Variants in DAAM1 observed in about 807,000 individuals in gnomAD.
DAAM1 encodes the protein dishevelled associated activator of morphogenesis 1, also known as disheveled-associated activator of morphogenesis 1.
DAAM1 carries 52 observed loss-of-function variants against 130.0 expected under a neutral mutation model. The ratio of observed to expected loss-of-function variants is 0.40; its 90% CI spans 0.32 to 0.50. DAAM1 has a LOEUF of 0.50. Among genes scored for constraint, DAAM1 ranks in the 20% least tolerant of loss-of-function variants. DAAM1 has a pLI of 0.61. For synonymous variants in DAAM1, 452 were observed against 444.5 expected, an observed-to-expected ratio of 1.02 and a Z score of -0.21; for missense variants, 1,134 against 1,303.8, an observed-to-expected ratio of 0.87 and a Z score of 2.01.
At chr14:59,350,637 T>G (rs1886255622) in intron 17 of DAAM1, among the ~76,000 whole-genome samples, 1 of 152,078 alleles carries the variant, frequency 6.6e-6, no homozygotes, top group Non-Finnish European at 1.5e-5. Flanking sequence ...CAGGGGCACT[T>G]GCAACTTCCC....
chr14:59,363,686 C>T lies in DAAM1; in HGVS notation c.2730C>T (p.Pro910=), dbSNP rs534683673. ...LEYQKSQPPQ[P]GDKFVSVVSQ... is the part of the protein sequence containing the mutation. ...ATCAGAAGTCTCAGCCCCCACAGCC[C>T]GGAGATAAGTTTGTGTCTGTTGTCA... The change falls in exon 23 of 25, where the codon CCC becomes CCT. Residue 910 remains proline (P), a synonymous_variant. Transcript: ENST00000360909. The T allele has an allele frequency of 3.0e-5, 48 of 1,614,114 alleles. No individual in the cohort carries two copies. The highest frequency in any genetic ancestry group is 4.0e-5 in the African/African-American group (3 of 75,048).
intron 10 of DAAM1, among the ~76,000 whole-genome samples, 192 bp from the exon 11 acceptor site, chr14:59,326,318 G>T (rs1310703612): frequency 6.6e-6 from 1 of 152,150 alleles, no homozygotes; most frequent in Admixed American, 6.5e-5. Context: ...TGTTCAGAAA[G>T]GGGTAGAGGG....
intron 22 of DAAM1, among the ~76,000 whole-genome samples, chr14:59,361,628 G>C (rs1886706268): frequency 6.6e-6 from 1 of 152,226 alleles, no homozygotes; most frequent in South Asian, 2.1e-4. Context: ...CAGTCAGGCT[G>C]GCAGACTGGA....
At chr14:59,205,510 C>T (rs1220471961) in intron 1 of DAAM1, among the ~76,000 whole-genome samples, 1 of 152,160 alleles carries the variant, frequency 6.6e-6, no homozygotes, top group Admixed American at 6.5e-5. Context: ...AAAAAAAATT[C>T]TTAAAGGAGA....
chr14:59,328,190 A>G (rs1885282187), intron 12 of DAAM1, among the ~76,000 whole-genome samples: 1 of 152,252 alleles, frequency 6.6e-6, no homozygotes, highest in Non-Finnish European at 1.5e-5. Context: ...AAGCAGGGCC[A>G]TAACTGATAT....
Position 59,324,213 on chromosome 14 carries a change from C to T in DAAM1, c.860C>T (p.Ala287Val). The change falls in exon 7 of 25, where the codon GCA (alanine) becomes GTA (valine). Residue 287 changes from alanine to valine, a missense_variant. Coordinates refer to ENST00000360909, the MANE Select transcript of DAAM1 (RefSeq NM_001270520.2). ...ACTGCCATCATGTCCTTCATTAATG[C>T]AGTGCTCAGCCAAGGTGCAGGAGTG... ...LKTAIMSFINAVLSQGAGVES... is the reference protein window; with the variant it reads ...LKTAIMSFINVVLSQGAGVES... 1 of 1,462,400 alleles carries T rather than the reference C, an allele frequency of 6.8e-7. No homozygotes were observed. Among genetic ancestry groups the T allele is most frequent in the Admixed American group, 2.2e-5 (1 of 46,402 alleles). The allele number at this position is 1,462,400 out of a possible 1,614,324, so 90.6% of individuals were successfully genotyped here. A position where few individuals can be genotyped will look rare whatever the true frequency, so the allele number is the denominator to read the frequency against.
At chr14:59,258,008 G>T (rs1043905814) in intron 1 of DAAM1, among the ~76,000 whole-genome samples, 6 of 152,108 alleles carry the variant, frequency 3.9e-5, no homozygotes, top group Admixed American at 3.9e-4. Flanking sequence ...TGCTCTTCAC[G>T]TTCTTCCTTC....
At chr14:59,356,476 G>C (rs1886484083) in intron 20 of DAAM1, among the ~76,000 whole-genome samples, 1 of 152,198 alleles carries the variant, frequency 6.6e-6, no homozygotes, top group Non-Finnish European at 1.5e-5. Context: ...GCCAAATACT[G>C]TTGTCACCTG....
intron 1 of DAAM1, among the ~76,000 whole-genome samples, chr14:59,221,592 G>A (rs1888773610): frequency 6.6e-6 from 1 of 152,156 alleles, no homozygotes; most frequent in Non-Finnish European, 1.5e-5. Context: ...GGCCTTAGTT[G>A]CTGGGCATGG....
At chr14:59,357,888 T>C (rs1036750565) in intron 20 of DAAM1, among the ~76,000 whole-genome samples, 1 of 152,214 alleles carries the variant, frequency 6.6e-6, no homozygotes, top group Non-Finnish European at 1.5e-5. Flanking sequence ...TTTCTAACTA[T>C]TGAGAGACTG....
At chr14:59,288,216 C>T (rs1306489919) in intron 2 of DAAM1, among the ~76,000 whole-genome samples, 8 of 152,138 alleles carry the variant, frequency 5.3e-5, no homozygotes, top group Non-Finnish European at 1.2e-4. Context: ...ACTGTCTAGC[C>T]ATAGGCAGAA....
At chr14:59,353,780 G>A in intron 18 of DAAM1, 96 bp from the exon 19 acceptor site, 1 of 1,076,066 alleles carries the variant, frequency 9.3e-7, no homozygotes, top group East Asian at 2.6e-5. Context: ...TGGGTATTGG[G>A]GGAGGTGCTT....
chr14:59,290,384 T>G (rs921882193), intron 2 of DAAM1, among the ~76,000 whole-genome samples: 2 of 152,194 alleles, frequency 1.3e-5, no homozygotes, highest in Admixed American at 1.3e-4. Flanking sequence ...CTCCACTATT[T>G]GCTAGGTGTG....
In DAAM1 at chr14:59,355,148, T is replaced by C. The variant is rs1886427456; in HGVS notation, c.2357-17T>C. 6.3e-7 allele frequency: 1 copy of C among 1,599,556 alleles called. No individual in the cohort carries two copies. The highest frequency in any genetic ancestry group is 8.5e-7 in the Non-Finnish European group (1 of 1,172,406). Reference sequence around the variant, plus strand: ...GAAACACTTGGTAATCATGTTTTTATGTGTTTTGTTTTGAAGCAATTCGTT... The same window carrying C: ...GAAACACTTGGTAATCATGTTTTTACGTGTTTTGTTTTGAAGCAATTCGTT... On this transcript the variant is annotated splice_polypyrimidine_tract_variant and intron_variant, in intron 19 of 24. Coordinates refer to ENST00000360909, the MANE Select transcript of DAAM1 (RefSeq NM_001270520.2).
chr14:59,320,950 CTGCTCCTCGGAA>C (rs1167014032), intron 5 of DAAM1, among the ~76,000 whole-genome samples: 1 of 152,136 alleles, frequency 6.6e-6, no homozygotes, highest in Non-Finnish European at 1.5e-5. Context: ...CTCAATAATT[CTGCTCCTCGGAA>C]TGTAGCCAAG....
intron 17 of DAAM1, among the ~76,000 whole-genome samples, chr14:59,351,421 C>T (rs761280135): frequency 2.6e-5 from 4 of 152,128 alleles, no homozygotes; most frequent in Admixed American, 6.6e-5. Context: ...AAAGACAGAA[C>T]TTCTTATAAG....
intron 23 of DAAM1, among the ~76,000 whole-genome samples, chr14:59,363,994 A>C (rs960429777): frequency 1.3e-5 from 2 of 152,156 alleles, no homozygotes; most frequent in African/African-American, 4.8e-5. Context: ...ATCTGAACAC[A>C]CCCTTTTTGT....
intron 15 of DAAM1, among the ~76,000 whole-genome samples, chr14:59,339,862 G>A (rs941353683): frequency 1.3e-5 from 2 of 152,184 alleles, no homozygotes; most frequent in Admixed American, 6.5e-5. Flanking sequence ...TCAAATGTGG[G>A]TGGTCAGCTT....
At position 59,260,043 on chromosome 14, in the gene DAAM1, C is replaced by CA. The variant is rs939825314; in HGVS notation, c.-37-3387dup. Among the ~76,000 whole-genome samples, 334 of 145,234 alleles carry CA rather than the reference C, an allele frequency of 2.3e-3. 2 individuals are homozygous for CA. Among genetic ancestry groups the CA allele is most frequent in the Middle Eastern group, 7.0e-3 (2 of 286 alleles). ...TGGGCAACAGAGCAAGACTCCGTCTCAAAAAAAAAAATTGAGATTAAGCAT... is the reference window on the plus strand; with the variant it reads ...TGGGCAACAGAGCAAGACTCCGTCTCAAAAAAAAAAAATTGAGATTAAGCAT... On this transcript the variant is annotated intron_variant, in intron 1 of 24. Transcript: ENST00000360909.
Sources: gnomAD v4.1 joint callset for allele counts (sites outside exome capture counted in the v4.1 genomes callset) on GRCh38, gnomAD v4.1.1 for gene constraint, MANE v1.5 for transcripts, NCBI Gene and HGNC (gene_info 2026-07-23, HGNC 2026-07-21) for gene names.